SATB1: variants seen among roughly 807,000 people sequenced by gnomAD.
SATB1 encodes SATB homeobox 1.
A neutral mutation model predicts 86.9 loss-of-function variants in SATB1; 11 were observed. The observed-to-expected ratio is 0.13, with a 90% CI of 0.08 to 0.21. The LOEUF is 0.21. Among genes scored for constraint, SATB1 ranks in the 10% least tolerant of loss-of-function variants. The pLI, the probability that SATB1 is intolerant of heterozygous loss-of-function variation, is 1.00. For synonymous variants in SATB1, 357 were observed against 357.2 expected (o/e 1.00, Z 0.01); for missense variants, 551 against 937.6 (o/e 0.59, Z 5.39).
chr3:18,437,799 C>T (rs1490290294), intron 1 of SATB1, among the ~76,000 whole-genome samples: 1 of 152,092 alleles, frequency 6.6e-6, no homozygotes, highest in African/African-American at 2.4e-5. Context: ...GGTGAAAATA[C>T]AATGGGAAGC....
intron 9 of SATB1, among the ~76,000 whole-genome samples, chr3:18,376,194 C>A (rs989449256): frequency 6.7e-6 from 1 of 149,274 alleles, no homozygotes; most frequent in Non-Finnish European, 1.5e-5. Context: ...GGGGAGAACC[C>A]GGGGTATCAT....
intron 2 of SATB1, among the ~76,000 whole-genome samples, chr3:18,430,531 C>G (rs573399644): frequency 3.7e-4 from 57 of 152,184 alleles, no homozygotes; most frequent in African/African-American, 1.3e-3. Flanking sequence ...TACCCCTGTA[C>G]CTATATTATA....
chr3:18,363,543 A>G (rs1254427429), intron 9 of SATB1, among the ~76,000 whole-genome samples: 1 of 152,156 alleles, frequency 6.6e-6, no homozygotes, highest in Non-Finnish European at 1.5e-5. Flanking sequence ...AAGCTCAGAG[A>G]AGGCTCCAGG....
At chr3:18,397,069 T>C (rs1696997261) in intron 6 of SATB1, 110 bp downstream of exon 6, 2 of 687,332 alleles carry the variant, frequency 2.9e-6, no homozygotes, top group Admixed American at 2.1e-5. Flanking sequence ...ACATTCTAAA[T>C]TGATCTCTAA....
intron 9 of SATB1, among the ~76,000 whole-genome samples, chr3:18,360,525 ATT>A (rs113322645): frequency 1.4e-5 from 2 of 147,636 alleles, no homozygotes; most frequent in African/African-American, 5.0e-5. Flanking sequence ...CCTTTCTCCT[ATT>A]TTTTTTTTTG....
chr3:18,351,415 G>C (rs745524029), intron 10 of SATB1: 2 of 1,540,264 alleles, frequency 1.3e-6, no homozygotes. Context: ...GGCTCTAAAG[G>C]AAAGACAAAC....
At chr3:18,368,395 CTA>C (rs1176246377) in intron 9 of SATB1, among the ~76,000 whole-genome samples, 1 of 151,962 alleles carries the variant, frequency 6.6e-6, no homozygotes, top group East Asian at 1.9e-4. Context: ...CCAAAAGAAA[CTA>C]TGAATAGGAA....
At chr3:18,383,284 G>A (rs1050616812) in intron 8 of SATB1, among the ~76,000 whole-genome samples, 2 of 152,212 alleles carry the variant, frequency 1.3e-5, no homozygotes, top group African/African-American at 2.4e-5. Context: ...TAGCCAGGAA[G>A]TCCTTTCTTG....
upstream of SATB1, among the ~76,000 whole-genome samples, chr3:18,425,770 G>A (rs1698668060): frequency 6.6e-6 from 1 of 151,364 alleles, no homozygotes; most frequent in Non-Finnish European, 1.5e-5. Context: ...GGAGCGGGGA[G>A]GGGAGCGCGC....
intron 2 of SATB1, chr3:18,417,827 T>C: frequency 1.8e-6 from 1 of 565,660 alleles, no homozygotes; most frequent in South Asian, 2.3e-5. Flanking sequence ...AAGGTAAAAA[T>C]GAGAGATAGA....
intron 8 of SATB1, among the ~76,000 whole-genome samples, chr3:18,385,868 G>A (rs1696319157): frequency 6.6e-6 from 1 of 152,054 alleles, no homozygotes; most frequent in African/African-American, 2.4e-5. Flanking sequence ...CCCGTATCTT[G>A]GAGTATGGAT....
At chr3:18,395,929 T>C (rs1381165314) in intron 6 of SATB1, among the ~76,000 whole-genome samples, 1 of 152,222 alleles carries the variant, frequency 6.6e-6, no homozygotes, top group Non-Finnish European at 1.5e-5. Flanking sequence ...ACTTTCCAAA[T>C]TGTACACAGA....
intron 9 of SATB1, among the ~76,000 whole-genome samples, chr3:18,368,229 G>A (rs890406966): frequency 2.6e-5 from 4 of 152,160 alleles, no homozygotes; most frequent in Non-Finnish European, 4.4e-5. Context: ...TGTGATATAG[G>A]AATTGAATCA....
chr3:18,438,178 G>A (rs1466949784), intron 1 of SATB1, among the ~76,000 whole-genome samples: 1 of 152,106 alleles, frequency 6.6e-6, no homozygotes, highest in Non-Finnish European at 1.5e-5. Flanking sequence ...AGGCCAAATT[G>A]TCATTTACAT....
intron 5 of SATB1, among the ~76,000 whole-genome samples, chr3:18,399,975 T>C (rs999623604): frequency 1.3e-5 from 2 of 152,210 alleles, no homozygotes; most frequent in African/African-American, 4.8e-5. Context: ...GGCTTAGGCA[T>C]AGCATTGGAG....
At position 18,391,732 on chromosome 3, in the gene SATB1, T is replaced by C. The variant is rs181955358; in HGVS notation, c.1206+2730A>G. On this transcript the variant is annotated intron_variant, in intron 7 of 10. Coordinates refer to ENST00000338745, the MANE Select transcript of SATB1 (RefSeq NM_002971.6). ...TTAACTCTGCAGAGCTCCTTGTCTATACATACGCATTAGCATGTGTATTTT... is the reference window on the plus strand; with the variant it reads ...TTAACTCTGCAGAGCTCCTTGTCTACACATACGCATTAGCATGTGTATTTT... Among the ~76,000 whole-genome samples, 104 of 152,228 alleles carry C rather than the reference T, an allele frequency of 6.8e-4. 2 individuals are homozygous for C. The highest frequency in any genetic ancestry group is 6.8e-3 in the Middle Eastern group (2 of 294).
In SATB1 at chr3:18,349,656, C is replaced by T. The variant is rs1388144145; in HGVS notation, c.1806G>A (p.Gln602=). Reference sequence around the variant, plus strand: ...GCGGCGGTGCCTGCTGCTGCTGCTGCTGCTGTTGCTGTTGCTGCTGCTGTT... The same window carrying T: ...GCGGCGGTGCCTGCTGCTGCTGCTGTTGCTGTTGCTGTTGCTGCTGCTGTT... ...IQQQQQQQQQ[Q]QQQQQAPPPP... Residue 602 remains glutamine, a synonymous_variant, in exon 11 of 11, where the codon CAG becomes CAA. Transcript: ENST00000338745. The surrounding 1 kb of genome is among the most constrained non-coding windows in gnomAD (Gnocchi z 5.5). The T allele has an allele frequency of 6.2e-7, 1 of 1,609,648 alleles. No homozygotes were observed. The highest frequency in any genetic ancestry group is 8.5e-7 in the Non-Finnish European group (1 of 1,178,400).
intron 9 of SATB1, among the ~76,000 whole-genome samples, chr3:18,372,331 T>C (rs1202527950): frequency 6.6e-6 from 1 of 152,230 alleles, no homozygotes; most frequent in African/African-American, 2.4e-5. Context: ...ATGAGTTATG[T>C]CTATATTTGT....
chr3:18,380,577 G>A (rs1482652397), intron 8 of SATB1, among the ~76,000 whole-genome samples: 2 of 152,018 alleles, frequency 1.3e-5, no homozygotes, highest in Non-Finnish European at 2.9e-5. Flanking sequence ...AAAAGAATGT[G>A]AGGGTGAAAC....
Sources: gnomAD v4.1 joint callset for allele counts (sites outside exome capture counted in the v4.1 genomes callset) on GRCh38, gnomAD v4.1.1 for gene constraint, Gnocchi (gnomAD v3.1) non-coding constraint, MANE v1.5 for transcripts, NCBI Gene and HGNC (gene_info 2026-07-23, HGNC 2026-07-21) for gene names.